IRS1: variants seen among roughly 807,000 people sequenced by gnomAD.
IRS1 encodes insulin receptor substrate 1.
IRS1 carries 34 observed loss-of-function variants against 65.6 expected under a neutral mutation model. The observed-to-expected ratio is 0.52, with a 90% CI of 0.39 to 0.69. The LOEUF (loss-of-function observed/expected upper bound fraction) is 0.69. Among genes scored for constraint, IRS1 ranks in the 30% least tolerant of loss-of-function variants. The pLI, the probability that IRS1 is intolerant of heterozygous loss-of-function variation, is 0.00. For missense variants in IRS1, 1,641 were observed against 1,720.2 expected (o/e 0.95, Z 0.81); for synonymous variants, 699 against 683.5 (o/e 1.02, Z -0.35).
In IRS1 at chr2:226,798,659, T is replaced by C; in HGVS notation, c.80A>G (p.Lys27Arg). The C allele has an allele frequency of 6.2e-7, 1 of 1,613,148 alleles. No homozygotes were observed. Among genetic ancestry groups the C allele is most frequent in the Non-Finnish European group, 8.5e-7 (1 of 1,179,792 alleles). The change falls in exon 1 of 2, where the codon AAA becomes AGA. Residue 27 changes from lysine (K) to arginine (R), a missense_variant. Lys to Arg is a conservative substitution (Grantham distance 26). Transcript: ENST00000305123. The surrounding 1 kb of genome is among the most constrained non-coding windows in gnomAD (Gnocchi z 9.4). ...GYLRKPKSMH[K>R]RFFVLRAASE... Reference sequence around the variant, plus strand: ...GGCCGCGCGCAGTACGAAGAAGCGTTTGTGCATGCTCTTGGGTTTGCGCAG... The same window carrying C: ...GGCCGCGCGCAGTACGAAGAAGCGTCTGTGCATGCTCTTGGGTTTGCGCAG...
chr2:226,753,283 G>A (rs1938719487), intron 1 of IRS1, among the ~76,000 whole-genome samples: 1 of 152,128 alleles, frequency 6.6e-6, no homozygotes, highest in Admixed American at 6.5e-5. Context: ...GGTACTTCCT[G>A]TTTTGCTTTA....
chr2:226,786,740 A>G (rs1343328793), intron 1 of IRS1, among the ~76,000 whole-genome samples: 4 of 151,616 alleles, frequency 2.6e-5, no homozygotes, highest in Non-Finnish European at 5.9e-5. Flanking sequence ...CAGAGAAAAA[A>G]ATAGTGTGAA....
intron 1 of IRS1, among the ~76,000 whole-genome samples, chr2:226,792,686 C>T (rs1055369036): frequency 6.6e-6 from 1 of 152,162 alleles, no homozygotes; most frequent in Admixed American, 6.5e-5. Context: ...TTCCTTTCAC[C>T]GAGTCTCAGG....
Position 226,757,975 on chromosome 2 carries a change from A to G in IRS1, c.*22-21725T>C, listed in dbSNP as rs79449365. On this transcript the variant is annotated intron_variant, in intron 1 of 1. Coordinates refer to ENST00000305123, the MANE Select transcript of IRS1 (RefSeq NM_005544.3). ...TTTCTAATATGGTTTGTAGTTAATA[A>G]GAAAAATACTAACATATCAATAATT... Among the ~76,000 whole-genome samples the G allele has an allele frequency of 9.2e-5, 14 of 152,384 alleles. No individual in the cohort carries two copies. The East Asian group carries it at 2.7e-3, about 29-fold the overall frequency.
At position 226,795,703 on chromosome 2, in the gene IRS1, A is replaced by G. The variant is rs760515770; in HGVS notation, c.3036T>C (p.Tyr1012=). 8 of 1,613,400 alleles carry G rather than the reference A, an allele frequency of 5.0e-6. No individual in the cohort carries two copies. Among genetic ancestry groups the G allele is most frequent in the Non-Finnish European group, 6.8e-6 (8 of 1,180,002 alleles). Reference sequence around the variant, plus strand: ...CAGCAATGCCTGTTCGCATGTCAGCATAGCTTACAGGGGCAGCTGGCGAGG... The same window carrying G: ...CAGCAATGCCTGTTCGCATGTCAGCGTAGCTTACAGGGGCAGCTGGCGAGG... ...VDTSPAAPVS[Y]ADMRTGIAAE... Residue 1012 remains tyrosine (Y), a synonymous_variant, in exon 1 of 2, where the codon TAT becomes TAC. Coordinates refer to ENST00000305123, the MANE Select transcript of IRS1 (RefSeq NM_005544.3).
chr2:226,749,182 C>T (rs1167663774), intron 1 of IRS1, among the ~76,000 whole-genome samples: 1 of 151,986 alleles, frequency 6.6e-6, no homozygotes, highest in Non-Finnish European at 1.5e-5. Context: ...GCTTTTTTTC[C>T]CCATTAAATT....
At chr2:226,775,206 G>A (rs1559153991) in intron 1 of IRS1, among the ~76,000 whole-genome samples, 1 of 152,154 alleles carries the variant, frequency 6.6e-6, no homozygotes, top group Admixed American at 6.5e-5. Context: ...GGAGAATAAG[G>A]TGCTGACCGA....
In IRS1 at chr2:226,734,286, T is replaced by TAGAA. The variant is rs1313587636; in HGVS notation, c.*1985_*1986insTTCT. ...CTACTAATAGGAAATGATGTAATTC[T>TAGAA]GCAAGTTCCTTGAAAACAATGGATT... On this transcript the variant is annotated 3_prime_UTR_variant, in exon 2 of 2. Transcript: ENST00000305123. 1.3e-5 allele frequency: 2 copies of TAGAA among 152,248 alleles called. No homozygotes were observed. The highest frequency in any genetic ancestry group is 2.9e-5 in the Non-Finnish European group (2 of 68,044). 9.4% of individuals were successfully genotyped at this position (152,248 alleles called of 1,614,324 possible).
At position 226,795,448 on chromosome 2, in the gene IRS1, C is replaced by T. The variant is rs1339254759; in HGVS notation, c.3291G>A (p.Arg1097=). The T allele has an allele frequency of 1.2e-6, 2 of 1,613,564 alleles. No individual in the cohort carries two copies. The highest frequency in any genetic ancestry group is 1.7e-5 in the Admixed American group (1 of 60,034). ...AGGAGAAAGTCTCGGAGCTATGCCT[C>T]CGCCGGCACCCTTGTGGGTCTGCAC... ...VIRADPQGCR[R]RHSSETFSST... Residue 1097 remains arginine (R), a synonymous_variant, in exon 1 of 2, where the codon CGG becomes CGA. Transcript: ENST00000305123.
intron 1 of IRS1, among the ~76,000 whole-genome samples, chr2:226,783,770 T>G (rs1004388713): frequency 6.6e-6 from 1 of 152,188 alleles, no homozygotes. Flanking sequence ...AGTATCTCTA[T>G]TTTATCCCCT....
chr2:226,739,260 G>A (rs1938390300), intron 1 of IRS1, among the ~76,000 whole-genome samples: 1 of 152,188 alleles, frequency 6.6e-6, no homozygotes, highest in Admixed American at 6.5e-5. Context: ...GTTCACACCT[G>A]TTTGTCTTTG....
intron 1 of IRS1, among the ~76,000 whole-genome samples, chr2:226,763,325 A>G (rs1312588766): frequency 6.6e-6 from 1 of 152,118 alleles, no homozygotes; most frequent in Non-Finnish European, 1.5e-5. Context: ...TGCTTTCTAC[A>G]GTCTTGAATT....
chr2:226,755,035 T>C (rs1938765999), intron 1 of IRS1, among the ~76,000 whole-genome samples: 1 of 152,220 alleles, frequency 6.6e-6, no homozygotes, highest in African/African-American at 2.4e-5. Context: ...CTGACATTTA[T>C]TGATCCCATA....
rs144745493 is a variant in IRS1, at chr2:226,784,747, C to T, written c.*21+10242G>A. 3.9e-5 allele frequency among the ~76,000 whole-genome samples: 6 copies of T among 152,294 alleles called. No individual in the cohort carries two copies. The East Asian group carries it at 1.2e-3, about 29-fold the overall frequency. ...CTCTAATTCAAATGTTATCTGTTACCACATTCTCGAAAGTTTCTATTTTGT... is the reference window on the plus strand; with the variant it reads ...CTCTAATTCAAATGTTATCTGTTACTACATTCTCGAAAGTTTCTATTTTGT... On this transcript the variant is annotated intron_variant, in intron 1 of 1. Coordinates refer to ENST00000305123, the MANE Select transcript of IRS1 (RefSeq NM_005544.3).
At position 226,795,080 on chromosome 2, in the gene IRS1, CG is replaced by C; in HGVS notation, c.3658del (p.Arg1220AlafsTer7). 8.0e-7 allele frequency: 1 copy of C among 1,246,604 alleles called. No individual in the cohort carries two copies. Among genetic ancestry groups the C allele is most frequent in the Non-Finnish European group, 1.0e-6 (1 of 955,600 alleles). The allele number at this position is 1,246,604 out of a possible 1,614,324, so 77.2% of individuals were successfully genotyped here. A position where few individuals can be genotyped will look rare whatever the true frequency, so the allele number is the denominator to read the frequency against. On this transcript the variant is annotated frameshift_variant, in exon 1 of 2. Transcript: ENST00000305123. LOFTEE classifies it high-confidence loss of function. ...PLGSGESSST[R>X]RSSEDLSAYA... is the part of the protein sequence containing the mutation. ...GGCGCTTAAATCCTCACTTGAGCGGCGGGTGGAGCTGCTCTCACCGCTGCCC... is the reference window on the plus strand; with the variant it reads ...GGCGCTTAAATCCTCACTTGAGCGGCGGTGGAGCTGCTCTCACCGCTGCCC...
chr2:226,777,144 A>G (rs1239612731), intron 1 of IRS1, among the ~76,000 whole-genome samples: 2 of 152,222 alleles, frequency 1.3e-5, no homozygotes, highest in Admixed American at 6.5e-5. Context: ...AACTCTGAAT[A>G]AAGTATGGAC....
intron 1 of IRS1, among the ~76,000 whole-genome samples, chr2:226,743,659 A>C (rs980831107): frequency 5.3e-5 from 8 of 152,186 alleles, no homozygotes; most frequent in Admixed American, 2.0e-4. Context: ...TTTCATGGGC[A>C]CTATTTCTGC....
chr2:226,777,057 A>G (rs1939287576), intron 1 of IRS1, among the ~76,000 whole-genome samples: 1 of 152,224 alleles, frequency 6.6e-6, no homozygotes, highest in Non-Finnish European at 1.5e-5. Flanking sequence ...GACACATAAT[A>G]TAATGATTAA....
intron 1 of IRS1, among the ~76,000 whole-genome samples, chr2:226,757,280 G>A (rs921858083): frequency 2.0e-5 from 3 of 152,162 alleles, no homozygotes; most frequent in African/African-American, 7.2e-5. Flanking sequence ...TAGGCCAGCA[G>A]TTCCCAAACA....
Sources: gnomAD v4.1 joint callset for allele counts (sites outside exome capture counted in the v4.1 genomes callset) on GRCh38, gnomAD v4.1.1 for gene constraint, Gnocchi (gnomAD v3.1) non-coding constraint, MANE v1.5 for transcripts, NCBI Gene and HGNC (gene_info 2026-07-23, HGNC 2026-07-21) for gene names.